SCFD1: variants seen among roughly 807,000 people sequenced by gnomAD.
The protein encoded by SCFD1 is sec1 family domain-containing protein 1.
SCFD1 carries 37 observed loss-of-function variants against 103.2 expected under a neutral mutation model. The ratio of observed to expected loss-of-function variants is 0.36; its 90% CI spans 0.28 to 0.47. SCFD1 has a LOEUF of 0.47. Ranked by LOEUF, SCFD1 falls within the 20% of genes least tolerant of loss-of-function variation. The pLI, the probability that SCFD1 is intolerant of heterozygous loss-of-function variation, is 1.00. For synonymous variants in SCFD1, 264 were observed against 245.0 expected (o/e 1.08, Z -0.73); for missense variants, 639 against 761.2 (o/e 0.84, Z 1.89).
At chr14:30,707,828 A>G (rs1005760534) in intron 18 of SCFD1, 162 bp from the exon 19 acceptor site, 1 of 708,594 alleles carries the variant, frequency 1.4e-6, no homozygotes, top group Admixed American at 2.0e-5. Flanking sequence ...TGTGATACCC[A>G]TGGCAGCAGA....
At chr14:30,717,853 C>T (rs891992658) in intron 20 of SCFD1, among the ~76,000 whole-genome samples, 2 of 150,126 alleles carry the variant, frequency 1.3e-5, no homozygotes, top group African/African-American at 4.9e-5. Flanking sequence ...CACTGCACTC[C>T]AGCCTGGGTG....
At chr14:30,727,837 A>G (rs1893159812) in intron 23 of SCFD1, among the ~76,000 whole-genome samples, 2 of 152,150 alleles carry the variant, frequency 1.3e-5, no homozygotes, top group African/African-American at 4.8e-5. Context: ...TCCCAGTCAC[A>G]TGATGTTGAG....
intron 12 of SCFD1, among the ~76,000 whole-genome samples, chr14:30,673,638 T>G (rs192870916): frequency 9.8e-5 from 15 of 152,344 alleles, no homozygotes; most frequent in African/African-American, 3.1e-4. Flanking sequence ...CTACTGTTTA[T>G]TGCTGTGTGA....
chr14:30,681,947 G>A (rs899186120), intron 14 of SCFD1, among the ~76,000 whole-genome samples: 1 of 152,052 alleles, frequency 6.6e-6, no homozygotes, highest in African/African-American at 2.4e-5. Flanking sequence ...CAAGTCTATC[G>A]CCCTCTAATG....
intron 14 of SCFD1, among the ~76,000 whole-genome samples, chr14:30,690,798 AC>A (rs1890237010): frequency 6.6e-6 from 1 of 152,110 alleles, no homozygotes; most frequent in Admixed American, 6.5e-5. Context: ...GGAGCTGTAG[AC>A]CGGAGCTGTT....
At chr14:30,732,823 G>A (rs904664919) in intron 23 of SCFD1, among the ~76,000 whole-genome samples, 1 of 152,004 alleles carries the variant, frequency 6.6e-6, no homozygotes, top group African/African-American at 2.4e-5. Context: ...GGTATAATTG[G>A]TAAAAAATAA....
intron 15 of SCFD1, among the ~76,000 whole-genome samples, chr14:30,697,559 A>T (rs751894090): frequency 3.2e-4 from 49 of 152,234 alleles, no homozygotes; most frequent in Admixed American, 6.5e-4. Context: ...ACCACAGTGA[A>T]CGTCGTCAGT....
chr14:30,708,878 A>G (rs1566650721), intron 19 of SCFD1, among the ~76,000 whole-genome samples: 1 of 152,082 alleles, frequency 6.6e-6, no homozygotes, highest in African/African-American at 2.4e-5. Context: ...TGATTTTTCT[A>G]TTCTAATATA....
At chr14:30,705,077 A>G (rs1891376201) in intron 17 of SCFD1, among the ~76,000 whole-genome samples, 1 of 152,200 alleles carries the variant, frequency 6.6e-6, no homozygotes, top group Non-Finnish European at 1.5e-5. Context: ...CGTATTGTTT[A>G]GTTACAGAGA....
chr14:30,638,975 T>C (rs1885007876), intron 5 of SCFD1, among the ~76,000 whole-genome samples: 1 of 152,230 alleles, frequency 6.6e-6, no homozygotes, highest in African/African-American at 2.4e-5. Context: ...AGACCACTAA[T>C]ATTTCTGATT....
In SCFD1 at chr14:30,622,370, C is replaced by T. The variant is rs974534862; in HGVS notation, c.32C>T (p.Ala11Val). ...GCGGCGGCGGCAGCGACAGCAGCAG[C>T]AGCAGCCAGTATTCGGGAAAGGCAG... Reference protein sequence around the residue: MAAAAAATAAAAASIRERQTV... With the variant: MAAAAAATAAVAASIRERQTV... Residue 11 changes from alanine to valine, a missense_variant, in exon 1 of 25, where the codon GCA (alanine) becomes GTA (valine). By Grantham distance (64) the Ala-to-Val change is moderately conservative. Transcript: ENST00000458591. 5.8e-6 allele frequency: 9 copies of T among 1,560,756 alleles called. No homozygotes were observed. The highest frequency in any genetic ancestry group is 4.1e-5 in the African/African-American group (3 of 73,602).
At position 30,650,632 on chromosome 14, in the gene SCFD1, T is replaced by C; in HGVS notation, c.737T>C (p.Leu246Pro). The C allele has an allele frequency of 6.2e-7, 1 of 1,603,258 alleles. No individual in the cohort carries two copies. The highest frequency in any genetic ancestry group is 2.2e-5 in the East Asian group (1 of 44,730). Residue 246 changes from leucine (L) to proline (P), a missense_variant, in exon 9 of 25, where the codon CTT (leucine) becomes CCT (proline). Physicochemically the swap from Leu to Pro is moderately conservative, Grantham distance 98. Transcript: ENST00000458591. ...ARNSLFTGDTLGAGQFSFQRP... is the reference protein window; with the variant it reads ...ARNSLFTGDTPGAGQFSFQRP... ...AACAGTCTTTTTACAGGTGATACACTTGGAGCTGGCCAATTCAGGTATTAC... is the reference window on the plus strand; with the variant it reads ...AACAGTCTTTTTACAGGTGATACACCTGGAGCTGGCCAATTCAGGTATTAC...
chr14:30,649,732 T>C (rs1190808249), intron 8 of SCFD1, 149 bp downstream of exon 8: 39 of 631,474 alleles, frequency 6.2e-5, no homozygotes, highest in Non-Finnish European at 3.3e-5. Flanking sequence ...TACATTGAGA[T>C]TGCACCGAAG....
intron 14 of SCFD1, among the ~76,000 whole-genome samples, chr14:30,694,081 C>G (rs1890513560): frequency 6.6e-6 from 1 of 151,824 alleles, no homozygotes; most frequent in African/African-American, 2.4e-5. Flanking sequence ...ACAAAAAGGA[C>G]AATAATTTAG....
In SCFD1 at chr14:30,708,002, A is replaced by G; in HGVS notation, c.1566A>G (p.Arg522=). ...TTTKPMGLLS[R]VMNTGSQFVM... The stretch of plus-strand genomic sequence containing the variant: ...TGCCCCTACCTAGTCTTTTATCACG[A>G]GTCATGAATACAGGATCACAGTTTG... Residue 522 remains arginine (R), a synonymous_variant, in exon 19 of 25, where the codon CGA becomes CGG. Transcript: ENST00000458591. The G allele has an allele frequency of 6.2e-7, 1 of 1,612,872 alleles. No individual in the cohort carries two copies. The highest frequency in any genetic ancestry group is 8.5e-7 in the Non-Finnish European group (1 of 1,178,950).
chr14:30,725,888 G>A (rs113634678), intron 23 of SCFD1, among the ~76,000 whole-genome samples: 7 of 152,094 alleles, frequency 4.6e-5, no homozygotes, highest in African/African-American at 7.2e-5. Flanking sequence ...CTCTATAAAC[G>A]GTGCTGACAA....
intron 1 of SCFD1, 189 bp downstream of exon 1, chr14:30,622,588 G>T: frequency 2.0e-6 from 2 of 978,854 alleles, no homozygotes; most frequent in East Asian, 2.8e-5. Context: ...CTCCTGTGGT[G>T]CAGGAGAAGG....
intron 10 of SCFD1, among the ~76,000 whole-genome samples, chr14:30,665,978 AC>A (rs1887925340): frequency 6.6e-6 from 1 of 152,154 alleles, no homozygotes; most frequent in Non-Finnish European, 1.5e-5. Context: ...AGACTTTAAC[AC>A]CCCACTGTCA....
intron 7 of SCFD1, among the ~76,000 whole-genome samples, chr14:30,648,686 A>G (rs1364031485): frequency 3.3e-5 from 5 of 152,228 alleles, no homozygotes; most frequent in Admixed American, 3.3e-4. Flanking sequence ...TTGAGGTAGC[A>G]GGATCACTTG....
Sources: allele counts gnomAD v4.1 joint callset (sites outside exome capture counted in the v4.1 genomes callset), GRCh38; gene constraint gnomAD v4.1.1; transcripts MANE v1.5; gene names NCBI Gene and HGNC (gene_info 2026-07-23, HGNC 2026-07-21).